PTPDC1: variants seen among roughly 807,000 people sequenced by gnomAD.
PTPDC1 encodes protein tyrosine phosphatase domain containing 1.
In PTPDC1, 53 loss-of-function variants were observed where a neutral mutation model predicts 75.3. The observed-to-expected ratio is 0.70, with a 90% CI of 0.56 to 0.88. The LOEUF (loss-of-function observed/expected upper bound fraction) is 0.88, where lower values mean the gene tolerates loss of function less well. PTPDC1 is among the 40% of genes least tolerant of loss of function. The probability of loss-of-function intolerance (pLI) is 0.00; values close to 1 mark genes in which losing one functional copy is unlikely to be tolerated. For synonymous variants in PTPDC1, 349 were observed against 366.2 expected, an observed-to-expected ratio of 0.95 and a Z score of 0.54; for missense variants, 925 against 998.6, an observed-to-expected ratio of 0.93 and a Z score of 0.99.
At chr9:94,082,624 C>T (rs960441778), upstream of PTPDC1, among the ~76,000 whole-genome samples, 1 of 152,116 alleles carries the variant, frequency 6.6e-6, no homozygotes, top group African/African-American at 2.4e-5. Context: ...CTCATCAATG[C>T]AAGGTATATT....
chr9:94,095,264 ACTTT>A (rs2118047987), intron 4 of PTPDC1, 49 bp from the exon 5 acceptor site: 1 of 1,432,984 alleles, frequency 7.0e-7, no homozygotes. Flanking sequence ...TAGTGTTTGT[ACTTT>A]CATTAATTTC....
Position 94,041,404 on chromosome 9 carries a change from T to C in PTPDC1, c.-7+10277T>C, listed in dbSNP as rs199992164. On this transcript the variant is annotated intron_variant, in intron 1 of 9. Transcript: ENST00000375360. Reference sequence around the variant, plus strand: ...CAGATTTTTAAAGTGTGAATGCCCTTAATAGCTTAAATTCTTATAAAGAGA... The same window carrying C: ...CAGATTTTTAAAGTGTGAATGCCCTCAATAGCTTAAATTCTTATAAAGAGA... 3.3e-5 allele frequency among the ~76,000 whole-genome samples: 5 copies of C among 152,338 alleles called. No homozygotes were observed. The East Asian group carries it at 9.6e-4, about 29-fold the overall frequency.
At position 94,085,371 on chromosome 9, in the gene PTPDC1, C is replaced by T. The variant is rs1827035559; in HGVS notation, c.365C>T (p.Pro122Leu). The T allele has an allele frequency of 6.2e-7, 1 of 1,614,210 alleles. No homozygotes were observed. The highest frequency in any genetic ancestry group is 1.7e-5 in the Admixed American group (1 of 60,028). Residue 122 changes from proline to leucine, a missense_variant, in exon 2 of 9, where the codon CCA becomes CTA. Physicochemically the swap from Pro to Leu is moderately conservative, Grantham distance 98 (BLOSUM62 -3). Coordinates refer to ENST00000620992, the MANE Select transcript of PTPDC1 (RefSeq NM_001253829.2). ...GGTAGAGCTTGCAAGTATGAGAACC[C>T]AGCCCGCTGGAGTGAGCAGGAGCAA... Reference protein sequence around the residue: ...CGGRACKYENPARWSEQEQAI... With the variant: ...CGGRACKYENLARWSEQEQAI...
intron 2 of PTPDC1, among the ~76,000 whole-genome samples, chr9:94,078,917 T>G (rs1826784803): frequency 6.6e-6 from 1 of 152,230 alleles, no homozygotes; most frequent in Admixed American, 6.5e-5. Context: ...CATGGGTTCC[T>G]TTAGGACTTT....
chr9:94,068,193 C>A (rs1826381689), intron 2 of PTPDC1, among the ~76,000 whole-genome samples: 1 of 152,058 alleles, frequency 6.6e-6, no homozygotes, highest in Admixed American at 6.6e-5. Context: ...TAATTTCAAA[C>A]TTACAGTAAA....
intron 4 of PTPDC1, among the ~76,000 whole-genome samples, chr9:94,095,082 T>G (rs1042973199): frequency 6.6e-6 from 1 of 152,254 alleles, no homozygotes; most frequent in Non-Finnish European, 1.5e-5. Flanking sequence ...CTGTTCCTAT[T>G]CGGCCATCTT....
At chr9:94,094,657 C>T (rs967043867) in intron 4 of PTPDC1, among the ~76,000 whole-genome samples, 3 of 152,224 alleles carry the variant, frequency 2.0e-5, no homozygotes, top group African/African-American at 7.2e-5. Flanking sequence ...TGGGCAATGG[C>T]GGGCACCCCT....
At chr9:94,080,988 C>A (rs4744311), upstream of PTPDC1, among the ~76,000 whole-genome samples, 2 of 127,556 alleles carry the variant, frequency 1.6e-5, no homozygotes, top group African/African-American at 3.1e-5. Flanking sequence ...TTTTCTTTTT[C>A]TTTTTCTTTT....
At chr9:94,077,606 A>C (rs1826737396) in intron 2 of PTPDC1, among the ~76,000 whole-genome samples, 1 of 152,232 alleles carries the variant, frequency 6.6e-6, no homozygotes, top group Admixed American at 6.5e-5. Flanking sequence ...TGGAAGAGGC[A>C]CAGAGCATCC....
intron 1 of PTPDC1, among the ~76,000 whole-genome samples, chr9:94,048,729 T>G (rs75744830): frequency 1.3e-5 from 2 of 152,216 alleles, no homozygotes; most frequent in Non-Finnish European, 2.9e-5. Context: ...GTCTGCTTGG[T>G]GCAGAGCTCA....
At position 94,086,672 on chromosome 9, in the gene PTPDC1, G is replaced by A. The variant is rs140319425; in HGVS notation, c.417-1159G>A. On this transcript the variant is annotated intron_variant, in intron 2 of 8. Transcript: ENST00000620992. ...CAAGAGTAATAGTCATTTATTGGGC[G>A]TCTGCCCACTCATTCATTCAGTAAA... Among the ~76,000 whole-genome samples the A allele has an allele frequency of 3.6e-3, 546 of 152,306 alleles. 4 individuals carry two copies. Among genetic ancestry groups the A allele is most frequent in the African/African-American group, 0.012 (493 of 41,550 alleles).
chr9:94,038,544 C>A (rs960322446), intron 1 of PTPDC1, among the ~76,000 whole-genome samples: 1 of 152,106 alleles, frequency 6.6e-6, no homozygotes, highest in African/African-American at 2.4e-5. Flanking sequence ...AATAGTAATT[C>A]CAATTCAGTA....
At chr9:94,090,350 T>C (rs1373627876) in intron 4 of PTPDC1, among the ~76,000 whole-genome samples, 1 of 149,292 alleles carries the variant, frequency 6.7e-6, no homozygotes, top group African/African-American at 2.5e-5. Flanking sequence ...CTTTCCCCAT[T>C]GCTTGTTTTT....
chr9:94,044,695 C>G (rs1354220294), intron 1 of PTPDC1, among the ~76,000 whole-genome samples: 1 of 149,616 alleles, frequency 6.7e-6, no homozygotes, highest in Non-Finnish European at 1.5e-5. Flanking sequence ...ATAAAGAGAG[C>G]TTTCTTTCTT....
At chr9:94,103,827 C>G (rs960928814) in intron 7 of PTPDC1, among the ~76,000 whole-genome samples, 1 of 152,196 alleles carries the variant, frequency 6.6e-6, no homozygotes, top group African/African-American at 2.4e-5. Flanking sequence ...TTGTCCTTTT[C>G]TTTGTCTACC....
chr9:94,107,988 T>C lies in PTPDC1; in HGVS notation c.*44T>C, dbSNP rs753777324. The C allele has an allele frequency of 8.5e-7, 1 of 1,183,116 alleles. No individual in the cohort carries two copies. Among genetic ancestry groups the C allele is most frequent in the Non-Finnish European group, 1.2e-6 (1 of 838,970 alleles). The allele number at this position is 1,183,116 out of a possible 1,614,324, so 73.3% of individuals were successfully genotyped here. A position where few individuals can be genotyped will look rare whatever the true frequency, so the allele number is the denominator to read the frequency against. ...ATTTCAGACCTAAAGATCCAGATAG[T>C]ATCTCTGTTCATATGTGAATAAGTT... On this transcript the variant is annotated 3_prime_UTR_variant, in exon 9 of 9. Transcript: ENST00000620992.
At chr9:94,074,052 T>G (rs969852728) in intron 2 of PTPDC1, among the ~76,000 whole-genome samples, 6 of 152,224 alleles carry the variant, frequency 3.9e-5, no homozygotes, top group Non-Finnish European at 5.9e-5. Context: ...TCCATTTTGA[T>G]GTCTGTTGAT....
intron 2 of PTPDC1, among the ~76,000 whole-genome samples, chr9:94,065,410 T>C (rs1328971752): frequency 2.0e-5 from 3 of 152,254 alleles, no homozygotes; most frequent in Admixed American, 1.3e-4. Flanking sequence ...CTCTTGGCAG[T>C]ACCACTTGCA....
chr9:94,038,026 A>G, intron 1 of PTPDC1: 1 of 424,404 alleles, frequency 2.4e-6, no homozygotes, highest in Non-Finnish European at 4.5e-6. Context: ...AAAAAGAATT[A>G]AATATGGGTG....
Sources: allele counts gnomAD v4.1 joint callset (sites outside exome capture counted in the v4.1 genomes callset), GRCh38; gene constraint gnomAD v4.1.1; transcripts MANE v1.5; gene names NCBI Gene and HGNC (gene_info 2026-07-23, HGNC 2026-07-21).